The following MBP variants were observed in gnomAD, a reference collection of about 807,000 sequenced individuals.
MBP encodes the protein myelin basic protein.
A neutral mutation model predicts 35.8 loss-of-function variants in MBP; 16 were observed. The ratio of observed to expected loss-of-function variants is 0.45; its 90% CI spans 0.30 to 0.68. The LOEUF is 0.68. Ranked by LOEUF, MBP falls within the 30% of genes least tolerant of loss-of-function variation. The pLI is 0.08. For missense variants in MBP, 380 were observed against 404.7 expected (o/e 0.94, Z 0.52); for synonymous variants, 143 against 159.6 (o/e 0.90, Z 0.78).
intron 3 of MBP, among the ~76,000 whole-genome samples, chr18:77,029,380 C>T (rs62106760): frequency 1.5e-5 from 2 of 136,278 alleles, no homozygotes; most frequent in Middle Eastern, 3.8e-3. Context: ...AGCTTCGGCT[C>T]GGCATCAGAG....
At chr18:77,024,044 C>G (rs1972101285) in intron 3 of MBP, among the ~76,000 whole-genome samples, 1 of 152,236 alleles carries the variant, frequency 6.6e-6, no homozygotes, top group African/African-American at 2.4e-5. Context: ...AAACCCCCCA[C>G]TCTTCTTTGC....
chr18:77,011,312 AG>A (rs1399168629), intron 4 of MBP, among the ~76,000 whole-genome samples: 3 of 152,222 alleles, frequency 2.0e-5, no homozygotes, highest in Admixed American at 6.5e-5. Context: ...CCTCATAAGC[AG>A]TGACTCCCAT....
intron 1 of MBP, among the ~76,000 whole-genome samples, chr18:77,120,608 T>C (rs190424398): frequency 1.3e-5 from 2 of 152,326 alleles, no homozygotes; most frequent in South Asian, 2.1e-4. Flanking sequence ...ACAAAACGCA[T>C]TGTTAGTCAC....
At chr18:77,099,302 C>G (rs140392151) in intron 2 of MBP, among the ~76,000 whole-genome samples, 1 of 152,134 alleles carries the variant, frequency 6.6e-6, no homozygotes, top group African/African-American at 2.4e-5. Context: ...CCCAGACCTA[C>G]GGTCCCAGCC....
At chr18:77,055,584 T>TC (rs1973686508) in intron 3 of MBP, among the ~76,000 whole-genome samples, 1 of 149,120 alleles carries the variant, frequency 6.7e-6, no homozygotes, top group Non-Finnish European at 1.5e-5. Flanking sequence ...TTTCTCTTTC[T>TC]TTCTCTCTCT....
chr18:77,033,576 C>T (rs968140113), intron 3 of MBP, among the ~76,000 whole-genome samples: 2 of 152,062 alleles, frequency 1.3e-5, no homozygotes, highest in Non-Finnish European at 2.9e-5. Flanking sequence ...ATCATTTACC[C>T]GTCCACATAT....
chr18:77,018,406 TCCAC>T (rs1392075923), intron 3 of MBP, among the ~76,000 whole-genome samples: 1 of 82,742 alleles, frequency 1.2e-5, no homozygotes, highest in Non-Finnish European at 3.4e-5. Flanking sequence ...CACTCATCCA[TCCAC>T]CCACCCACCA....
intron 1 of MBP, among the ~76,000 whole-genome samples, chr18:77,119,706 C>T (rs191812204): frequency 2.0e-5 from 3 of 152,184 alleles, no homozygotes; most frequent in Non-Finnish European, 2.9e-5. Context: ...AGGCTCCTCC[C>T]AGAAAACCGA....
chr18:77,007,000 G>A (rs1658425682), intron 4 of MBP, among the ~76,000 whole-genome samples: 1 of 152,180 alleles, frequency 6.6e-6, no homozygotes, highest in African/African-American at 2.4e-5. Context: ...TGTTCAGCTC[G>A]CGTTTCTCAG....
At chr18:77,132,986 C>G (rs545507557), upstream of MBP, 80 of 152,284 alleles carry the variant, frequency 5.3e-4, no homozygotes, top group African/African-American at 1.9e-3. Context: ...GGCCCACGCG[C>G]AGGGTCAGAC....
chr18:77,119,689 G>A (rs1976829416), intron 1 of MBP, among the ~76,000 whole-genome samples: 1 of 152,204 alleles, frequency 6.6e-6, no homozygotes, highest in South Asian at 2.1e-4. Context: ...GCAGGAGCCA[G>A]GACTTAAGGC....
intron 2 of MBP, among the ~76,000 whole-genome samples, chr18:77,083,709 ATGAATCC>A (rs1349020474): frequency 1.3e-5 from 2 of 152,262 alleles, no homozygotes; most frequent in Admixed American, 1.3e-4. Flanking sequence ...TGTAACATGG[ATGAATCC>A]TGAAAACATC....
intron 3 of MBP, among the ~76,000 whole-genome samples, chr18:77,049,680 ATTTT>A (rs1953312005): frequency 6.6e-6 from 1 of 150,700 alleles, no homozygotes; most frequent in African/African-American, 2.5e-5. Context: ...TTTAATTTTT[ATTTT>A]ATTTTATTTT....
chr18:77,076,194 G>A (rs377093380), intron 2 of MBP, among the ~76,000 whole-genome samples: 59 of 152,230 alleles, frequency 3.9e-4, no homozygotes, highest in Non-Finnish European at 6.0e-4. Flanking sequence ...AAGTGAGCCC[G>A]TTTCCCTTTC....
intron 1 of MBP, among the ~76,000 whole-genome samples, chr18:77,116,872 A>C (rs192684431): frequency 3.0e-4 from 46 of 152,024 alleles, no homozygotes; most frequent in Admixed American, 2.7e-3. Flanking sequence ...GTCTCAAAAA[A>C]AAAACAAAAC....
At chr18:77,030,050 G>C (rs996713829) in intron 3 of MBP, among the ~76,000 whole-genome samples, 2 of 152,088 alleles carry the variant, frequency 1.3e-5, no homozygotes, top group Non-Finnish European at 2.9e-5. Context: ...GAGTCCACAC[G>C]ATTGCCTAAG....
At chr18:77,064,630 G>C (rs1379164589) in intron 3 of MBP, among the ~76,000 whole-genome samples, 2 of 152,112 alleles carry the variant, frequency 1.3e-5, no homozygotes, top group Non-Finnish European at 2.9e-5. Context: ...AGAAAAGAAA[G>C]GACTTTTGAA....
intron 3 of MBP, among the ~76,000 whole-genome samples, chr18:77,058,508 C>G (rs561066778): frequency 1.7e-4 from 26 of 152,324 alleles, no homozygotes; most frequent in Admixed American, 1.5e-3. Context: ...CCAGCCCCCA[C>G]CGGCTGATGC....
chr18:77,038,612 C>A (rs149624186), intron 3 of MBP, among the ~76,000 whole-genome samples: 1 of 152,208 alleles, frequency 6.6e-6, no homozygotes, highest in Non-Finnish European at 1.5e-5. Context: ...TTTCCAGCAC[C>A]TAACCCAGGG....
Sources: gnomAD v4.1 joint callset for allele counts (sites outside exome capture counted in the v4.1 genomes callset) on GRCh38, gnomAD v4.1.1 for gene constraint, MANE v1.5 for transcripts, NCBI Gene and HGNC (gene_info 2026-07-23, HGNC 2026-07-21) for gene names.